The following NCKAP5 variants were observed in gnomAD, a reference collection of about 807,000 sequenced individuals.
NCKAP5 encodes nck-associated protein 5.
A neutral mutation model predicts 167.0 loss-of-function variants in NCKAP5; 92 were observed. The ratio of observed to expected loss-of-function variants is 0.55; its 90% CI spans 0.47 to 0.66. The LOEUF (loss-of-function observed/expected upper bound fraction) is 0.66, where lower values mean the gene tolerates loss of function less well. Ranked by LOEUF, NCKAP5 falls within the 30% of genes least tolerant of loss-of-function variation. The probability of loss-of-function intolerance (pLI) is 0.00; values close to 1 mark genes in which losing one functional copy is unlikely to be tolerated. For synonymous variants in NCKAP5, 891 were observed against 877.4 expected (o/e 1.02, Z -0.27); for missense variants, 2,378 against 2,315.0 (o/e 1.03, Z -0.56).
intron 8 of NCKAP5, among the ~76,000 whole-genome samples, chr2:132,917,849 C>T (rs892063035): frequency 6.6e-6 from 1 of 152,052 alleles, no homozygotes; most frequent in Non-Finnish European, 1.5e-5. Context: ...CCACTTATAC[C>T]ATTTCATAAA....
At chr2:133,251,719 C>T (rs1279447519) in intron 4 of NCKAP5, among the ~76,000 whole-genome samples, 3 of 152,176 alleles carry the variant, frequency 2.0e-5, no homozygotes, top group African/African-American at 7.2e-5. Flanking sequence ...AACAAAATTA[C>T]ACTTGCATCC....
At chr2:133,145,791 C>T (rs766972718) in intron 5 of NCKAP5, among the ~76,000 whole-genome samples, 2 of 151,852 alleles carry the variant, frequency 1.3e-5, no homozygotes, top group Non-Finnish European at 2.9e-5. Context: ...AAAAATAAGC[C>T]CAGGCATTGA....
At chr2:133,015,946 A>C (rs1463934187) in intron 6 of NCKAP5, among the ~76,000 whole-genome samples, 1 of 152,202 alleles carries the variant, frequency 6.6e-6, no homozygotes, top group East Asian at 1.9e-4. Flanking sequence ...GAAGGACTTA[A>C]GAAAAGGCTG....
intron 4 of NCKAP5, among the ~76,000 whole-genome samples, chr2:133,270,536 C>T (rs1185529796): frequency 6.6e-6 from 1 of 152,146 alleles, no homozygotes; most frequent in Non-Finnish European, 1.5e-5. Context: ...AACCTAAGGC[C>T]GATTCACGCT....
chr2:133,571,788 C>T (rs971160423), upstream of NCKAP5, among the ~76,000 whole-genome samples: 4 of 152,076 alleles, frequency 2.6e-5, no homozygotes, highest in Admixed American at 2.6e-4. Flanking sequence ...CTACCTCCAG[C>T]GTCTGAGTCT....
intron 12 of NCKAP5, among the ~76,000 whole-genome samples, chr2:132,793,755 T>C (rs569041387): frequency 6.6e-6 from 1 of 152,218 alleles, no homozygotes; most frequent in African/African-American, 2.4e-5. Flanking sequence ...GGTGTACGTG[T>C]AGCGGTAGTT....
chr2:132,928,042 C>G (rs1574660599), intron 8 of NCKAP5, among the ~76,000 whole-genome samples: 1 of 152,196 alleles, frequency 6.6e-6, no homozygotes, highest in East Asian at 1.9e-4. Context: ...TTCTCTGAAC[C>G]CTTTCTATAG....
chr2:133,436,320 C>T (rs938755696), intron 3 of NCKAP5, among the ~76,000 whole-genome samples: 1 of 152,152 alleles, frequency 6.6e-6, no homozygotes, highest in Admixed American at 6.5e-5. Context: ...AGAGACCAGG[C>T]ATCACCATTT....
intron 5 of NCKAP5, among the ~76,000 whole-genome samples, chr2:133,188,792 G>C (rs2085070324): frequency 1.3e-5 from 2 of 152,238 alleles, no homozygotes; most frequent in Admixed American, 6.5e-5. Context: ...GCAGTGTGTA[G>C]AGGGAAATTT....
intron 6 of NCKAP5, among the ~76,000 whole-genome samples, chr2:133,086,909 A>G (rs1304771797): frequency 6.6e-6 from 1 of 152,136 alleles, no homozygotes; most frequent in Non-Finnish European, 1.5e-5. Flanking sequence ...CATCTATAAT[A>G]CAGGTATATA....
intron 19 of NCKAP5, among the ~76,000 whole-genome samples, chr2:132,724,028 C>T (rs948406774): frequency 2.0e-5 from 3 of 152,162 alleles, no homozygotes; most frequent in African/African-American, 7.2e-5. Context: ...ACATGCGAGC[C>T]TCCTGCTACT....
chr2:133,245,575 CCAGTATA>C (rs1559311496), intron 4 of NCKAP5, among the ~76,000 whole-genome samples: 12 of 151,936 alleles, frequency 7.9e-5, no homozygotes, highest in African/African-American at 2.2e-4. Context: ...TTGTGAAAAA[CCAGTATA>C]CTAACACTTG....
chr2:132,847,465 C>G (rs1688746725), intron 11 of NCKAP5, among the ~76,000 whole-genome samples: 1 of 152,172 alleles, frequency 6.6e-6, no homozygotes, highest in African/African-American at 2.4e-5. Flanking sequence ...CAGGTTATTT[C>G]ACTCCAAAGC....
At chr2:132,766,489 T>C (rs1241870466) in intron 16 of NCKAP5, among the ~76,000 whole-genome samples, 2 of 152,116 alleles carry the variant, frequency 1.3e-5, no homozygotes, top group African/African-American at 4.8e-5. Context: ...CTTATTCTAC[T>C]GGTAGTAATG....
chr2:133,250,324 C>T (rs2088246250), intron 4 of NCKAP5, among the ~76,000 whole-genome samples: 1 of 152,138 alleles, frequency 6.6e-6, no homozygotes, highest in South Asian at 2.1e-4. Flanking sequence ...TGCTTCACCA[C>T]CGTACATTTC....
At chr2:133,153,216 T>C (rs1005022631) in intron 5 of NCKAP5, among the ~76,000 whole-genome samples, 1 of 152,194 alleles carries the variant, frequency 6.6e-6, no homozygotes, top group Non-Finnish European at 1.5e-5. Flanking sequence ...ATATGACATT[T>C]TTATACATTT....
At position 133,535,618 on chromosome 2, in the gene NCKAP5, T is replaced by TAC. The variant is rs978065653; in HGVS notation, c.-61-18032_-61-18031insGT. On this transcript the variant is annotated intron_variant, in intron 2 of 19. Transcript: ENST00000409261. ...CTACTGTGAATAGTGCCAAAATAAA[T>TAC]ATGATATAATGACTTATTTTCCTTT... Among the ~76,000 whole-genome samples the TAC allele has an allele frequency of 5.9e-5, 9 of 152,026 alleles. 1 individual carries two copies. Among genetic ancestry groups the TAC allele is most frequent in the African/African-American group, 2.2e-4 (9 of 41,528 alleles).
chr2:133,150,227 T>C (rs1261785714), intron 5 of NCKAP5, among the ~76,000 whole-genome samples: 1 of 152,218 alleles, frequency 6.6e-6, no homozygotes, highest in Non-Finnish European at 1.5e-5. Flanking sequence ...GATGAAATCA[T>C]GCACATTCTA....
intron 7 of NCKAP5, among the ~76,000 whole-genome samples, chr2:132,985,903 C>A (rs2077273986): frequency 6.6e-6 from 1 of 152,102 alleles, no homozygotes; most frequent in Middle Eastern, 3.2e-3. Context: ...ACTTTATAAC[C>A]TTATTGTGTA....
Sources: allele counts gnomAD v4.1 joint callset (sites outside exome capture counted in the v4.1 genomes callset), GRCh38; gene constraint gnomAD v4.1.1; transcripts MANE v1.5; gene names NCBI Gene and HGNC (gene_info 2026-07-23, HGNC 2026-07-21).